C21orf58: variants seen among roughly 807,000 people sequenced by gnomAD.
C21orf58 encodes the protein chromosome 21 open reading frame 58.
Under a neutral mutation model 35.8 loss-of-function variants are expected in C21orf58, and 34 were observed. The observed-to-expected ratio is 0.95, with a 90% confidence interval of 0.72 to 1.26. The LOEUF (loss-of-function observed/expected upper bound fraction) is 1.26, where lower values mean the gene tolerates loss of function less well. Ranked by LOEUF, C21orf58 falls within the 50% of genes most tolerant of loss-of-function variation. The probability of loss-of-function intolerance (pLI) is 0.00; values close to 1 mark genes in which losing one functional copy is unlikely to be tolerated. For synonymous variants in C21orf58, 191 were observed against 175.8 expected (o/e 1.09, Z -0.68); for missense variants, 440 against 414.3 (o/e 1.06, Z -0.54).
intron 1 of C21orf58, among the ~76,000 whole-genome samples, chr21:46,319,554 C>G (rs187882999): frequency 2.6e-5 from 4 of 152,252 alleles, no homozygotes; most frequent in Admixed American, 1.3e-4. Flanking sequence ...CTTGAGTCCA[C>G]GAGTTGGAGA....
chr21:46,314,811 A>G lies in C21orf58; in HGVS notation c.514T>C (p.Ser172Pro), dbSNP rs975739519. 6.5e-7 allele frequency: 1 copy of G among 1,547,232 alleles called. No individual in the cohort carries two copies. Among genetic ancestry groups the G allele is most frequent in the East Asian group, 2.4e-5 (1 of 40,834 alleles). Residue 172 changes from serine to proline, a missense_variant, in exon 5 of 8, where the codon TCA becomes CCA. Coordinates refer to ENST00000291691, the MANE Select transcript of C21orf58 (RefSeq NM_058180.5). ...GGGGGCAGCTCTGGGGGCAGGGCTG[A>G]CCCGAGGGCTCCTCTGCTTGGCCCG... The part of the protein sequence containing the change: ...WSGPSRGALG[S>P]ALPPELPPTG...
In C21orf58 at chr21:46,322,683, CG is replaced by C; in HGVS notation, c.55del (p.Arg19AlafsTer75). 1 of 1,586,368 alleles carries C rather than the reference CG, an allele frequency of 6.3e-7. No homozygotes were observed. Among genetic ancestry groups the C allele is most frequent in the Non-Finnish European group, 8.6e-7 (1 of 1,165,744 alleles). On this transcript the variant is annotated frameshift_variant, in exon 1 of 8. Transcript: ENST00000291691. LOFTEE classifies it high-confidence loss of function. ...TGAGTCAGGAGAAGGAAGTTTCTGGCGGTCGAGCTTCCACGGCTTCCTGAGG... is the reference window on the plus strand; with the variant it reads ...TGAGTCAGGAGAAGGAAGTTTCTGGCGTCGAGCTTCCACGGCTTCCTGAGG... Reference protein sequence around the residue: ...TSLRKPWKLDRQKLPSPDSGH... With the variant: ...TSLRKPWKLDXQKLPSPDSGH...
At chr21:46,317,843 C>A (rs769793004) in intron 2 of C21orf58, among the ~76,000 whole-genome samples, 169 bp downstream of exon 2, 1 of 152,236 alleles carries the variant, frequency 6.6e-6, no homozygotes, top group Non-Finnish European at 1.5e-5. Flanking sequence ...CCACCCAGAC[C>A]CTCAGAGAAT....
chr21:46,304,626 T>C (rs566432579), intron 6 of C21orf58, among the ~76,000 whole-genome samples: 4 of 152,268 alleles, frequency 2.6e-5, no homozygotes, highest in African/African-American at 9.6e-5. Flanking sequence ...ATGCCAAGTG[T>C]TGGTGAAGTG....
intron 5 of C21orf58, among the ~76,000 whole-genome samples, chr21:46,313,935 C>T (rs1168630955): frequency 6.6e-6 from 1 of 152,170 alleles, no homozygotes; most frequent in Non-Finnish European, 1.5e-5. Flanking sequence ...CCTCCGGGCC[C>T]CCAGCTTCCA....
At chr21:46,300,805 GTGAA>G, downstream of C21orf58, 2 of 1,286,552 alleles carry the variant, frequency 1.6e-6, no homozygotes, top group Non-Finnish European at 2.0e-6. Context: ...CTAATAGGGG[GTGAA>G]TGAAAGTTTA....
At chr21:46,303,708 A>AT (rs1357923290) in intron 6 of C21orf58, among the ~76,000 whole-genome samples, 10 of 37,212 alleles carry the variant, frequency 2.7e-4, no homozygotes, top group South Asian at 1.3e-3. Context: ...ACACACACAA[A>AT]ATATATATAT....
chr21:46,317,495 C>T (rs1397534825), intron 2 of C21orf58: 5 of 701,408 alleles, frequency 7.1e-6, no homozygotes, highest in South Asian at 5.5e-5. Context: ...AGTCTAGGGG[C>T]GGATGCTCTG....
rs2083233691 is a variant in C21orf58, at chr21:46,323,164, C to T, written c.-426G>A. The T allele has an allele frequency of 6.5e-6, 1 of 153,168 alleles. No individual in the cohort carries two copies. Among genetic ancestry groups the T allele is most frequent in the African/African-American group, 2.4e-5 (1 of 41,488 alleles). The allele number at this position is 153,168 out of a possible 1,614,324, so 9.5% of individuals were successfully genotyped here. On this transcript the variant is annotated 5_prime_UTR_variant, in exon 1 of 8. Coordinates refer to ENST00000291691, the MANE Select transcript of C21orf58 (RefSeq NM_058180.5). ...GCGCGCCAGCTGAGAAAACGCCCAC[C>T]CCGGCGGTCCCGCCACAGGTCACAG...
At chr21:46,319,028 G>A (rs2083074365) in intron 1 of C21orf58, 1 of 170,212 alleles carries the variant, frequency 5.9e-6, no homozygotes, top group South Asian at 1.9e-4. Context: ...TTGCCTCAGT[G>A]GCCAAAATTG....
At chr21:46,300,624 G>C (rs1415440207), downstream of C21orf58, 1 of 1,207,842 alleles carries the variant, frequency 8.3e-7, no homozygotes, top group Non-Finnish European at 1.1e-6. Flanking sequence ...TGGGCCCTTC[G>C]GTGTTCACAC....
At chr21:46,318,308 C>G (rs1477965501) in intron 1 of C21orf58, 88 bp from the exon 2 acceptor site, 1 of 1,553,010 alleles carries the variant, frequency 6.4e-7, no homozygotes, top group East Asian at 2.3e-5. Flanking sequence ...CGCCGCGTGA[C>G]AGTTGCCAGG....
At position 46,311,590 on chromosome 21, in the gene C21orf58, C is replaced by T. The variant is rs762648684; in HGVS notation, c.610-23G>A. 7.6e-6 allele frequency: 11 copies of T among 1,449,902 alleles called. No individual in the cohort carries two copies. In the South Asian group the frequency reaches 1.3e-4, roughly 17 times the overall value. 89.8% of individuals were successfully genotyped at this position (1,449,902 alleles called of 1,614,324 possible). On this transcript the variant is annotated intron_variant, in intron 5 of 7. Coordinates refer to ENST00000291691, the MANE Select transcript of C21orf58 (RefSeq NM_058180.5). ...GACCTAGGAACAGCCAGGTGATTAG[C>T]TATCTGCATATGTCCTTGAAGAAAG... is the stretch of plus-strand genomic sequence containing the variant.
intron 5 of C21orf58, 48 bp downstream of exon 5, chr21:46,314,668 G>A (rs370830425): frequency 3.0e-4 from 408 of 1,343,924 alleles, no homozygotes; most frequent in Non-Finnish European, 3.8e-4. Flanking sequence ...TCTTAATTCC[G>A]CACCCGCCTC....
chr21:46,315,582 G>C, intron 3 of C21orf58, 35 bp from the exon 4 acceptor site: 1 of 1,421,956 alleles, frequency 7.0e-7, no homozygotes, highest in Non-Finnish European at 9.9e-7. Context: ...ACCAAGGAAC[G>C]CGTAGAGGCT....
intron 6 of C21orf58, among the ~76,000 whole-genome samples, chr21:46,305,726 T>A (rs1601646619): frequency 6.7e-6 from 1 of 148,914 alleles, no homozygotes; most frequent in Admixed American, 6.7e-5. Context: ...GATCATGAGG[T>A]TAGAAGATCG....
intron 1 of C21orf58, among the ~76,000 whole-genome samples, chr21:46,321,609 T>C (rs184712072): frequency 2.6e-5 from 4 of 152,296 alleles, no homozygotes; most frequent in Admixed American, 2.6e-4. Context: ...TATTATCTCC[T>C]GGTTAGACTG....
In C21orf58 at chr21:46,301,677, AG is replaced by A; in HGVS notation, c.*321del. On this transcript the variant is annotated 3_prime_UTR_variant, in exon 8 of 8. Coordinates refer to ENST00000291691, the MANE Select transcript of C21orf58 (RefSeq NM_058180.5). ...CTCAACTTTACCTCCGTGATGGAAG[AG>A]GGGGATCTGAGGCTCCCAGGTGGGC... 8.8e-7 allele frequency: 1 copy of A among 1,136,964 alleles called. No individual in the cohort carries two copies. 70.4% of individuals were successfully genotyped at this position (1,136,964 alleles called of 1,614,324 possible). A position where few individuals can be genotyped will look rare whatever the true frequency, so the allele number is the denominator to read the frequency against.
At chr21:46,321,171 TA>T (rs2083143719) in intron 1 of C21orf58, among the ~76,000 whole-genome samples, 1 of 152,072 alleles carries the variant, frequency 6.6e-6, no homozygotes, top group Non-Finnish European at 1.5e-5. Context: ...ATGTTATATA[TA>T]TATATATTTT....
Sources: gnomAD v4.1 joint callset for allele counts (sites outside exome capture counted in the v4.1 genomes callset) on GRCh38, gnomAD v4.1.1 for gene constraint, MANE v1.5 for transcripts, NCBI Gene and HGNC (gene_info 2026-07-23, HGNC 2026-07-21) for gene names.